The following CIMAP1A variants were observed in gnomAD, a reference collection of about 807,000 sequenced individuals.
CIMAP1A encodes the protein ciliary microtubule associated protein 1A, also known as cancer/testis antigen 135.
the CIMAP1A span, chr11:197,591 G>A: frequency 2.2e-5 from 36 of 1,613,232 alleles, no homozygotes; most frequent in Middle Eastern, 3.3e-4. Flanking sequence ...ACCAAGCTGC[G>A]TGCACCGGCC....
chr11:199,902 G>C, the CIMAP1A span: 1 of 1,609,196 alleles, frequency 6.2e-7, no homozygotes, highest in East Asian at 2.2e-5. Flanking sequence ...CTGCAGGTGG[G>C]GGCAGGGGTG....
the CIMAP1A span, chr11:198,983 A>T: frequency 1.7e-6 from 2 of 1,190,866 alleles, no homozygotes; most frequent in Non-Finnish European, 2.1e-6. Context: ...CATGCCTGAG[A>T]GCTTGAGGGG....
At chr11:199,159 C>T in the CIMAP1A span, 1 of 1,415,442 alleles carries the variant, frequency 7.1e-7, no homozygotes, top group Non-Finnish European at 9.2e-7. Context: ...CAGCGTGAGG[C>T]TGAAATGGAG....
chr11:200,074 A>C, the CIMAP1A span: 1 of 1,600,170 alleles, frequency 6.2e-7, no homozygotes, highest in Non-Finnish European at 8.6e-7. Context: ...GCATCTACAC[A>C]AGATCCGCCG....
At chr11:199,654 T>TG in the CIMAP1A span, 2 of 352,768 alleles carry the variant, frequency 5.7e-6, no homozygotes, top group Non-Finnish European at 6.7e-6. Flanking sequence ...CAAGAAGGGG[T>TG]GGAGGGGTGG....
the CIMAP1A span, chr11:199,593 G>A: frequency 3.4e-6 from 5 of 1,490,832 alleles, no homozygotes; most frequent in East Asian, 1.0e-4. Flanking sequence ...CAGGGAGGGG[G>A]GCTGGGACAC....
the CIMAP1A span, chr11:198,583 A>G: frequency 1.9e-6 from 3 of 1,606,158 alleles, no homozygotes; most frequent in Non-Finnish European, 1.7e-6. Flanking sequence ...CGACCTACAC[A>G]AGGCAAGGGC....
chr11:197,230 C>T, the CIMAP1A span: 4 of 1,033,206 alleles, frequency 3.9e-6, no homozygotes, highest in South Asian at 4.8e-5. Flanking sequence ...GGGTCGGGGA[C>T]ATCAGGGGCC....
At chr11:198,563 G>A in the CIMAP1A span, 9 of 1,611,378 alleles carry the variant, frequency 5.6e-6, no homozygotes, top group Non-Finnish European at 5.9e-6. Context: ...AAGCTGGGCG[G>A]CTTCAGCGAC....
chr11:197,400 T>G, the CIMAP1A span: 1 of 1,601,988 alleles, frequency 6.2e-7, no homozygotes, highest in Non-Finnish European at 8.5e-7. Context: ...AGTACCTGAT[T>G]CCACCAACAA....
the CIMAP1A span, chr11:196,986 A>G: frequency 5.1e-6 from 1 of 196,076 alleles, no homozygotes; most frequent in African/African-American, 2.3e-5. Context: ...GAAGTTCCCC[A>G]TCTTTGACCA....
chr11:198,966 G>C, the CIMAP1A span: 1 of 1,186,154 alleles, frequency 8.4e-7, no homozygotes, highest in Admixed American at 4.3e-5. Flanking sequence ...AAAGCCCCTG[G>C]GTGGCACATG....
At chr11:200,185 T>C in the CIMAP1A span, 33 of 650,994 alleles carry the variant, frequency 5.1e-5, no homozygotes, top group East Asian at 8.6e-4. Flanking sequence ...GTTACTTTTT[T>C]TCTATGCTAT....
At chr11:197,915 T>C in the CIMAP1A span, 38 of 1,497,482 alleles carry the variant, frequency 2.5e-5, no homozygotes, top group Non-Finnish European at 3.1e-5. Flanking sequence ...GTCACCATCG[T>C]GCCTGGGCAG....
chr11:198,263 TGC>T, the CIMAP1A span: 1 of 1,613,914 alleles, frequency 6.2e-7, no homozygotes, highest in Admixed American at 1.7e-5. Context: ...ACTCCATCTC[TGC>T]CCGGACAAAG....
At chr11:199,202 A>G in the CIMAP1A span, 1 of 1,440,548 alleles carries the variant, frequency 6.9e-7, no homozygotes, top group Admixed American at 2.7e-5. Flanking sequence ...CCCCACAAGC[A>G]GTGGGGTGTG....
At chr11:199,264 A>C in the CIMAP1A span, 1 of 1,504,284 alleles carries the variant, frequency 6.6e-7, no homozygotes, top group Non-Finnish European at 8.9e-7. Context: ...ACGGGCACCA[A>C]CTTGTAGCTG....
At chr11:198,915 A>T in the CIMAP1A span, 10 of 1,214,248 alleles carry the variant, frequency 8.2e-6, no homozygotes, top group Non-Finnish European at 1.0e-5. Flanking sequence ...ACCATGAGCT[A>T]TTTGGGGGAG....
the CIMAP1A span, chr11:199,982 C>T: frequency 4.8e-5 from 78 of 1,613,988 alleles, no homozygotes; most frequent in East Asian, 2.0e-4. Context: ...TTGTCACCTT[C>T]GGCATCAAAC....
Sources: gnomAD v4.1 joint callset for allele counts on GRCh38, gnomAD v4.1.1 for gene constraint, MANE v1.5 for transcripts, NCBI Gene and HGNC (gene_info 2026-07-23, HGNC 2026-07-21) for gene names.